Variants in ZNF676 observed in about 807,000 individuals in gnomAD.
ZNF676 encodes the protein zinc finger protein 676.
In ZNF676, 4 loss-of-function variants were observed where a neutral mutation model predicts 6.0. The observed-to-expected ratio is 0.67, with a 90% confidence interval of 0.33 to 1.53. The LOEUF (loss-of-function observed/expected upper bound fraction) is 1.53. Among genes scored for constraint, ZNF676 ranks in the 40% most tolerant of loss-of-function variants. The pLI is 0.06. For synonymous variants in ZNF676, 198 were observed against 223.1 expected, an observed-to-expected ratio of 0.89 and a Z score of 1.00; for missense variants, 644 against 679.7, an observed-to-expected ratio of 0.95 and a Z score of 0.58.
At chr19:22,248,801 C>T in the ZNF676 span, among the ~76,000 whole-genome samples, 3 of 151,636 alleles carry the variant, frequency 2.0e-5, no homozygotes, top group African/African-American at 4.9e-5. Flanking sequence ...GCATTCTTGG[C>T]TCACCACAAA....
chr19:22,185,607 C>T (rs1215315816), intron 2 of ZNF676, among the ~76,000 whole-genome samples: 4 of 151,846 alleles, frequency 2.6e-5, no homozygotes, highest in Non-Finnish European at 5.9e-5. Context: ...CGTGTTCTAA[C>T]CCAATGCCAG....
chr19:22,220,399 C>A (rs2024235908), upstream of ZNF676, among the ~76,000 whole-genome samples: 1 of 150,384 alleles, frequency 6.6e-6, no homozygotes, highest in Admixed American at 6.6e-5. Flanking sequence ...GGTACCAATT[C>A]TTTGAATTTT....
At chr19:22,198,481 G>T (rs1012495880), upstream of ZNF676, among the ~76,000 whole-genome samples, 97 of 152,248 alleles carry the variant, frequency 6.4e-4, no homozygotes, top group African/African-American at 2.2e-3. Context: ...AAGAATAGTG[G>T]ACACAGATCT....
At chr19:22,236,588 G>T in the ZNF676 span, among the ~76,000 whole-genome samples, 1 of 152,132 alleles carries the variant, frequency 6.6e-6, no homozygotes, top group Non-Finnish European at 1.5e-5. Flanking sequence ...AGTGTAGTGG[G>T]CTCGTTCCTC....
chr19:22,199,865 T>A (rs1280569603), upstream of ZNF676, among the ~76,000 whole-genome samples: 1 of 152,184 alleles, frequency 6.6e-6, no homozygotes, highest in African/African-American at 2.4e-5. Flanking sequence ...TAAAGTAAGA[T>A]TCTATAATAC....
upstream of ZNF676, among the ~76,000 whole-genome samples, chr19:22,219,718 G>A (rs2024228892): frequency 6.6e-6 from 1 of 151,360 alleles, no homozygotes. Context: ...TGCAATGTCA[G>A]GATCTCTGCT....
At chr19:22,212,181 CAG>C (rs1295190879) in intron 1 of ZNF676, among the ~76,000 whole-genome samples, 1 of 126,542 alleles carries the variant, frequency 7.9e-6, no homozygotes, top group Non-Finnish European at 1.6e-5. Context: ...GCCTGGGTGA[CAG>C]AGCGAGATTC....
chr19:22,245,624 T>A, the ZNF676 span, among the ~76,000 whole-genome samples: 12 of 148,788 alleles, frequency 8.1e-5, no homozygotes, highest in African/African-American at 2.7e-4. Context: ...TAAAACAGAG[T>A]CACATCACCT....
At chr19:22,254,599 C>A in the ZNF676 span, among the ~76,000 whole-genome samples, 5 of 152,142 alleles carry the variant, frequency 3.3e-5, no homozygotes, top group Non-Finnish European at 5.9e-5. Context: ...AGAAGAGTCA[C>A]ATCACCTAGG....
chr19:22,203,292 T>C (rs140597375), intron 1 of ZNF676: 5 of 153,350 alleles, frequency 3.3e-5, no homozygotes, highest in Admixed American at 6.5e-5. Context: ...CAGATAGAGA[T>C]AGCTCTGAGA....
At chr19:22,237,386 A>T in the ZNF676 span, among the ~76,000 whole-genome samples, 210 of 152,292 alleles carry the variant, frequency 1.4e-3, 1 homozygote, top group African/African-American at 4.6e-3. Context: ...CTTCCACCAT[A>T]ATCCCACACC....
chr19:22,214,214 C>G (rs1346162152), intron 1 of ZNF676, among the ~76,000 whole-genome samples: 2 of 152,068 alleles, frequency 1.3e-5, no homozygotes, highest in Non-Finnish European at 2.9e-5. Flanking sequence ...CTGCTTGGGA[C>G]ACATGTGAAA....
At chr19:22,229,990 A>G in the ZNF676 span, among the ~76,000 whole-genome samples, 3 of 152,274 alleles carry the variant, frequency 2.0e-5, no homozygotes, top group Middle Eastern at 6.8e-3. Flanking sequence ...CAGCAATCCC[A>G]TTACTGGGTA....
chr19:22,196,832 A>G lies in ZNF676; in HGVS notation c.-199T>C, dbSNP rs1411938947. The G allele has an allele frequency of 9.8e-7, 1 of 1,023,532 alleles. No individual in the cohort carries two copies. Among genetic ancestry groups the G allele is most frequent in the Non-Finnish European group, 1.5e-6 (1 of 683,416 alleles). The allele number at this position is 1,023,532 out of a possible 1,614,324, so 63.4% of individuals were successfully genotyped here. Reference sequence around the variant, plus strand: ...GAGTAGAGAGAGCTGGTTCTGACTTATATGAATGACTGAAATTATTCAATA... The same window carrying G: ...GAGTAGAGAGAGCTGGTTCTGACTTGTATGAATGACTGAAATTATTCAATA... On this transcript the variant is annotated 5_prime_UTR_variant, in exon 1 of 3. Coordinates refer to ENST00000397121, the MANE Select transcript of ZNF676 (RefSeq NM_001001411.3).
Position 22,204,939 on chromosome 19 carries a change from T to A in ZNF676, c.4-8213A>T, listed in dbSNP as rs1163646898. ...TATACATATAATCTAAACCTTTTTTTAAAAATCAGCAAGTTATCCACCCTT... is the reference window on the plus strand; with the variant it reads ...TATACATATAATCTAAACCTTTTTTAAAAAATCAGCAAGTTATCCACCCTT... On this transcript the variant is annotated intron_variant, in intron 1 of 3. Coordinates refer to the ZNF676 transcript ENST00000650058. 5.9e-5 allele frequency among the ~76,000 whole-genome samples: 9 copies of A among 152,320 alleles called. 1 individual carries two copies. Among genetic ancestry groups the A allele is most frequent in the South Asian group, 4.1e-4 (2 of 4,828 alleles).
Position 22,180,022 on chromosome 19 carries a change from T to C in ZNF676, c.1695A>G (p.Glu565=). The C allele has an allele frequency of 6.2e-7, 1 of 1,613,964 alleles. No individual in the cohort carries two copies. Among genetic ancestry groups the C allele is most frequent in the Non-Finnish European group, 8.5e-7 (1 of 1,179,858 alleles). Residue 565 remains glutamate (E), a synonymous_variant, in exon 3 of 3, where the codon GAA becomes GAG. Transcript: ENST00000397121. ...HTGEKPYKCE[E]CGKAFKSSST... ...AGGATGACTTAAAAGCTTTGCCACATTCTTCACATTTGTAGGGTTTCTCTC... is the reference window on the plus strand; with the variant it reads ...AGGATGACTTAAAAGCTTTGCCACACTCTTCACATTTGTAGGGTTTCTCTC...
At chr19:22,211,700 CAA>C (rs1037093721) in intron 1 of ZNF676, among the ~76,000 whole-genome samples, 1 of 151,942 alleles carries the variant, frequency 6.6e-6, no homozygotes, top group African/African-American at 2.4e-5. Context: ...GGATATAGAA[CAA>C]AGATACTTAC....
At chr19:22,222,030 T>G in the ZNF676 span, among the ~76,000 whole-genome samples, 1 of 151,378 alleles carries the variant, frequency 6.6e-6, no homozygotes. Context: ...TCTCATTGCA[T>G]TTCTTAAGGG....
chr19:22,233,584 T>C, the ZNF676 span, among the ~76,000 whole-genome samples: 2 of 152,256 alleles, frequency 1.3e-5, no homozygotes, highest in African/African-American at 4.8e-5. Flanking sequence ...AGTTTATTAA[T>C]CTTTCTTCTT....
Sources: gnomAD v4.1 joint callset for allele counts (sites outside exome capture counted in the v4.1 genomes callset) on GRCh38, gnomAD v4.1.1 for gene constraint, MANE v1.5 for transcripts, NCBI Gene and HGNC (gene_info 2026-07-23, HGNC 2026-07-21) for gene names.